EVI5: variants seen among roughly 807,000 people sequenced by gnomAD.
EVI5 encodes the protein ecotropic viral integration site 5 protein homolog.
A neutral mutation model predicts 112.0 loss-of-function variants in EVI5; 73 were observed. That is an observed-to-expected ratio of 0.65 (90% confidence interval 0.54 to 0.79). The LOEUF (loss-of-function observed/expected upper bound fraction) is 0.79, where lower values mean the gene tolerates loss of function less well. Among genes scored for constraint, EVI5 ranks in the 30% least tolerant of loss-of-function variants. The pLI is 0.00. For synonymous variants in EVI5, 305 were observed against 319.9 expected, an observed-to-expected ratio of 0.95 and a Z score of 0.50; for missense variants, 900 against 968.8, an observed-to-expected ratio of 0.93 and a Z score of 0.94.
chr1:92,532,909 A>G (rs1663119961), intron 19 of EVI5, among the ~76,000 whole-genome samples: 1 of 152,112 alleles, frequency 6.6e-6, no homozygotes, highest in South Asian at 2.1e-4. Flanking sequence ...TTCAAAAGCT[A>G]GCAGAAGGCA....
intron 5 of EVI5, among the ~76,000 whole-genome samples, chr1:92,698,509 G>T (rs1670657403): frequency 6.6e-6 from 1 of 152,152 alleles, no homozygotes; most frequent in South Asian, 2.1e-4. Context: ...AAGAAAGCAA[G>T]GGAGCATTTG....
intron 19 of EVI5, among the ~76,000 whole-genome samples, chr1:92,542,490 C>A (rs1664978379): frequency 6.6e-6 from 1 of 152,184 alleles, no homozygotes; most frequent in African/African-American, 2.4e-5. Context: ...GATATTTTGA[C>A]CTCCTCCCAT....
intron 7 of EVI5, 137 bp downstream of exon 7, chr1:92,695,173 T>G: frequency 4.6e-6 from 3 of 650,376 alleles, no homozygotes; most frequent in Non-Finnish European, 8.0e-6. Flanking sequence ...TATTATAAGG[T>G]TTAAATGAGA....
chr1:92,602,723 T>A (rs1048778695), intron 18 of EVI5, among the ~76,000 whole-genome samples: 18 of 152,170 alleles, frequency 1.2e-4, no homozygotes, highest in Non-Finnish European at 2.2e-4. Context: ...TATTTATTTT[T>A]AAAGCTTTGA....
intron 18 of EVI5, among the ~76,000 whole-genome samples, chr1:92,604,186 C>CTAAATAAA (rs112250561): frequency 4.1e-4 from 61 of 149,096 alleles, no homozygotes; most frequent in South Asian, 1.5e-3. Flanking sequence ...CTCATTGCTA[C>CTAAATAAA]TAAATAAATA....
intron 12 of EVI5, among the ~76,000 whole-genome samples, 160 bp from the exon 13 acceptor site, chr1:92,663,025 T>A (rs1225075342): frequency 1.3e-5 from 2 of 151,046 alleles, no homozygotes; most frequent in Non-Finnish European, 2.9e-5. Context: ...CAGCTTGTTA[T>A]TGCTCCAGCA....
chr1:92,781,495 A>G (rs992374857), intron 1 of EVI5, among the ~76,000 whole-genome samples: 2 of 136,122 alleles, frequency 1.5e-5, no homozygotes, highest in East Asian at 4.1e-4. Context: ...ACCCTGTCTG[A>G]AAAAAAAAAA....
chr1:92,545,430 G>T (rs1012764831), intron 19 of EVI5, among the ~76,000 whole-genome samples: 1 of 149,098 alleles, frequency 6.7e-6, no homozygotes, highest in Non-Finnish European at 1.5e-5. Context: ...AAAAAAAAAG[G>T]TTTTTAAAGT....
rs199506091 is a variant in EVI5, at chr1:92,636,192, G to C, written c.1527+10C>G. The stretch of plus-strand genomic sequence containing the variant: ...ATTTGGGAATGACTGCATTTGTGTA[G>C]GTTTCTTACCTTCTCTATATCCAAG... On this transcript the variant is annotated intron_variant, in intron 14 of 19. Transcript: ENST00000684568. The C allele has an allele frequency of 1.2e-6, 2 of 1,604,920 alleles. No individual in the cohort carries two copies. The highest frequency in any genetic ancestry group is 1.3e-5 in the African/African-American group (1 of 74,730).
chr1:92,744,106 T>C (rs1678874927), intron 1 of EVI5, among the ~76,000 whole-genome samples: 1 of 152,234 alleles, frequency 6.6e-6, no homozygotes, highest in East Asian at 1.9e-4. Flanking sequence ...CCAAGTATTT[T>C]CAGATTTTCC....
chr1:92,753,818 A>C (rs1337024160), intron 1 of EVI5, among the ~76,000 whole-genome samples: 1 of 152,212 alleles, frequency 6.6e-6, no homozygotes, highest in Non-Finnish European at 1.5e-5. Context: ...TAATCTATAA[A>C]AACAATCCAC....
At chr1:92,663,126 C>T (rs1305560614) in intron 12 of EVI5, among the ~76,000 whole-genome samples, 1 of 152,150 alleles carries the variant, frequency 6.6e-6, no homozygotes, top group African/African-American at 2.4e-5. Flanking sequence ...CTGAGTTGTA[C>T]ATGCAGGACT....
chr1:92,791,748 CAA>C (rs534195216), intron 1 of EVI5, among the ~76,000 whole-genome samples: 91 of 138,250 alleles, frequency 6.6e-4, no homozygotes, highest in Non-Finnish European at 7.0e-4. Flanking sequence ...CCACCTCCAC[CAA>C]AAAAAAAAAA....
chr1:92,730,683 CAAAAAAA>C (rs1226099468), intron 2 of EVI5, among the ~76,000 whole-genome samples: 2 of 59,738 alleles, frequency 3.3e-5, no homozygotes, highest in South Asian at 5.3e-4. Flanking sequence ...CCTTCTCTCA[CAAAAAAA>C]AAAAAAAAAA....
At position 92,563,749 on chromosome 1, in the gene EVI5, C is replaced by T. The variant is rs1668983485; in HGVS notation, c.2071-12G>A. On this transcript the variant is annotated splice_polypyrimidine_tract_variant and intron_variant, in intron 18 of 19. Transcript: ENST00000684568. ...TTTCCTTCTTCTTTCTGTTTTGTGA[C>T]AAAACAACAAAGCAAAAACAAGAGG... The T allele has an allele frequency of 1.3e-6, 2 of 1,567,840 alleles. No homozygotes were observed. The highest frequency in any genetic ancestry group is 3.4e-5 in the Admixed American group (2 of 58,506).
chr1:92,584,742 T>C (rs1200982484), intron 18 of EVI5, among the ~76,000 whole-genome samples: 1 of 152,214 alleles, frequency 6.6e-6, no homozygotes, highest in Non-Finnish European at 1.5e-5. Context: ...ATATTCTTCT[T>C]AGTAATTAGA....
At chr1:92,556,329 T>C (rs1015794628) in intron 19 of EVI5, among the ~76,000 whole-genome samples, 9 of 152,096 alleles carry the variant, frequency 5.9e-5, no homozygotes, top group African/African-American at 2.2e-4. Flanking sequence ...CCCAAAGTGT[T>C]GGGATTACAG....
intron 18 of EVI5, among the ~76,000 whole-genome samples, chr1:92,588,270 C>T (rs1673131677): frequency 1.3e-5 from 2 of 152,182 alleles, no homozygotes; most frequent in African/African-American, 4.8e-5. Flanking sequence ...GATTTTCCAT[C>T]TGAGTCGGGA....
In EVI5 at chr1:92,513,867, G is replaced by T; in HGVS notation, c.2270C>A (p.Ser757Tyr). The T allele has an allele frequency of 6.2e-7, 1 of 1,613,270 alleles. No homozygotes were observed. The highest frequency in any genetic ancestry group is 2.2e-5 in the East Asian group (1 of 44,858). The change falls in exon 20 of 20, where the codon TCC (serine) becomes TAC (tyrosine). Residue 757 changes from serine (S) to tyrosine (Y), a missense_variant. Transcript: ENST00000684568. ...GGAATTATCTATAAAATCTTCATCG[G>T]AGGAATGGAATGATTCATCATCTCC... ...LIGDDESFHSSDEDFIDNSLQ... is the reference protein window; with the variant it reads ...LIGDDESFHSYDEDFIDNSLQ...
Sources: allele counts gnomAD v4.1 joint callset (sites outside exome capture counted in the v4.1 genomes callset), GRCh38; gene constraint gnomAD v4.1.1; transcripts MANE v1.5; gene names NCBI Gene and HGNC (gene_info 2026-07-23, HGNC 2026-07-21).